CD36: variants seen among roughly 807,000 people sequenced by gnomAD.
The protein encoded by CD36 is platelet glycoprotein 4.
CD36 carries 119 observed loss-of-function variants against 55.2 expected under a neutral mutation model. The ratio of observed to expected loss-of-function variants is 2.15; its 90% CI spans 1.86 to 2.51. The LOEUF (loss-of-function observed/expected upper bound fraction) is 2.51, where lower values mean the gene tolerates loss of function less well. CD36 is among the 30% of genes most tolerant of loss of function. The probability of loss-of-function intolerance (pLI) is 0.00; values close to 1 mark genes in which losing one functional copy is unlikely to be tolerated. For synonymous variants in CD36, 186 were observed against 193.6 expected (o/e 0.96, Z 0.33); for missense variants, 819 against 555.5 (o/e 1.47, Z -4.77).
intron 1 of CD36, among the ~76,000 whole-genome samples, chr7:80,643,031 A>G (rs908753589): frequency 2.6e-5 from 4 of 152,136 alleles, no homozygotes; most frequent in Admixed American, 1.3e-4. Flanking sequence ...ATTGCTCAAC[A>G]TATCTAGGCT....
intron 1 of CD36, among the ~76,000 whole-genome samples, chr7:80,616,960 G>A (rs964871658): frequency 1.3e-5 from 2 of 152,154 alleles, no homozygotes; most frequent in African/African-American, 4.8e-5. Context: ...TCAGCATTTT[G>A]TTATATGCTT....
chr7:80,648,773 A>G (rs1300475250), intron 3 of CD36, among the ~76,000 whole-genome samples: 3 of 152,128 alleles, frequency 2.0e-5, no homozygotes, highest in African/African-American at 7.2e-5. Flanking sequence ...GGAAAAAGGT[A>G]GGACTTGATT....
chr7:80,645,776 A>G (rs758418828), intron 1 of CD36, among the ~76,000 whole-genome samples: 1 of 152,200 alleles, frequency 6.6e-6, no homozygotes, highest in Non-Finnish European at 1.5e-5. Flanking sequence ...TGTGTAGGGA[A>G]AAAATTCTTC....
At chr7:80,617,696 C>T (rs990454315) in intron 1 of CD36, among the ~76,000 whole-genome samples, 9 of 148,872 alleles carry the variant, frequency 6.0e-5, no homozygotes, top group African/African-American at 2.2e-4. Context: ...CACTGCACTC[C>T]AGTCTGAACG....
intron 3 of CD36, among the ~76,000 whole-genome samples, chr7:80,653,958 A>T (rs1795817418): frequency 6.6e-6 from 1 of 152,182 alleles, no homozygotes; most frequent in Non-Finnish European, 1.5e-5. Flanking sequence ...TTTGTCACAT[A>T]ACATTGAGTC....
Position 80,672,963 on chromosome 7 carries a change from AGC to A in CD36, c.1199+121_1199+122del, listed in dbSNP as rs1797861373. ...TAACATCTGATATCAACTTATCTTTAGCTTAATGTCACCAATCATTATTAAAT... is the reference window on the plus strand; with the variant it reads ...TAACATCTGATATCAACTTATCTTTATTAATGTCACCAATCATTATTAAAT... On this transcript the variant is annotated intron_variant, in intron 12 of 14. Transcript: ENST00000447544. 2.5e-5 allele frequency: 18 copies of A among 722,644 alleles called. No homozygotes were observed. In the South Asian group the frequency reaches 2.8e-4, roughly 11 times the overall value. 44.8% of individuals were successfully genotyped at this position (722,644 alleles called of 1,614,324 possible). A position where few individuals can be genotyped will look rare whatever the true frequency, so the allele number is the denominator to read the frequency against.
intron 1 of CD36, among the ~76,000 whole-genome samples, chr7:80,642,803 G>A (rs1422207102): frequency 6.6e-6 from 1 of 152,080 alleles, no homozygotes; most frequent in Non-Finnish European, 1.5e-5. Context: ...TCAGCACATG[G>A]ATTGAAGTTT....
At chr7:80,644,745 TAAC>T (rs1249945600) in intron 1 of CD36, among the ~76,000 whole-genome samples, 1 of 152,130 alleles carries the variant, frequency 6.6e-6, no homozygotes, top group Non-Finnish European at 1.5e-5. Flanking sequence ...CTTACAACAT[TAAC>T]AACAATATTC....
At chr7:80,673,010 G>A (rs1797867048) in intron 12 of CD36, 167 bp downstream of exon 12, 1 of 628,062 alleles carries the variant, frequency 1.6e-6, no homozygotes, top group Admixed American at 2.6e-5. Context: ...TAATTTCACA[G>A]ATTTTGGAAT....
intron 1 of CD36, among the ~76,000 whole-genome samples, chr7:80,610,568 A>T (rs1001669239): frequency 1.3e-5 from 2 of 149,766 alleles, no homozygotes; most frequent in Admixed American, 6.6e-5. Context: ...TTATTTATTT[A>T]TTTTTTATCT....
In CD36 at chr7:80,670,925, C is replaced by T. The variant is rs995089387; in HGVS notation, c.819-52C>T. On this transcript the variant is annotated intron_variant, in intron 9 of 14. Transcript: ENST00000447544. ...ACAAGAATAAGAAAAAATGAATCTC[C>T]AGAATGTAAGTTCAGGTTCCTGGAA... 23 of 1,222,496 alleles carry T rather than the reference C, an allele frequency of 1.9e-5. No homozygotes were observed. The Admixed American group carries it at 3.7e-4, about 19-fold the overall frequency. 75.7% of individuals were successfully genotyped at this position (1,222,496 alleles called of 1,614,324 possible).
At chr7:80,620,135 A>G (rs1308467897) in intron 1 of CD36, among the ~76,000 whole-genome samples, 1 of 151,834 alleles carries the variant, frequency 6.6e-6, no homozygotes, top group African/African-American at 2.4e-5. Flanking sequence ...TGCCACAACA[A>G]TCATCACAAA....
chr7:80,618,102 G>A (rs925757941), intron 1 of CD36, among the ~76,000 whole-genome samples: 1 of 152,052 alleles, frequency 6.6e-6, no homozygotes, highest in African/African-American at 2.4e-5. Context: ...ATAGATTATA[G>A]TGTGATATAT....
chr7:80,670,019 G>T lies in CD36; in HGVS notation c.815G>T (p.Cys272Phe). The change falls in exon 9 of 15, where the codon TGC becomes TTC. Residue 272 changes from cysteine to phenylalanine, a missense_variant. By Grantham distance (205) the Cys-to-Phe change is radical. Coordinates refer to ENST00000447544, the MANE Select transcript of CD36 (RefSeq NM_001001548.3). ...TTGCAGTTCTTTTCTTCTGATATTT[G>T]CAGGTAAGACAGATACTGAAGTATA... ...QVLQFFSSDICRSIYAVFESD... is the reference protein window; with the variant it reads ...QVLQFFSSDIFRSIYAVFESD... The T allele has an allele frequency of 1.9e-6, 3 of 1,597,514 alleles. No homozygotes were observed. The highest frequency in any genetic ancestry group is 1.1e-5 in the South Asian group (1 of 90,760).
chr7:80,669,232 T>C (rs1188649308), intron 8 of CD36, among the ~76,000 whole-genome samples: 2 of 152,158 alleles, frequency 1.3e-5, no homozygotes, highest in African/African-American at 4.8e-5. Context: ...TACCATTAAA[T>C]ATGTATAGTA....
chr7:80,637,440 T>G (rs958532333), upstream of CD36, among the ~76,000 whole-genome samples: 1 of 152,062 alleles, frequency 6.6e-6, no homozygotes, highest in Non-Finnish European at 1.5e-5. Flanking sequence ...TTTATCCTAA[T>G]TAAGTGGTCT....
chr7:80,635,271 T>TTGC (rs1794325408), upstream of CD36, among the ~76,000 whole-genome samples: 2 of 32,572 alleles, frequency 6.1e-5, no homozygotes, highest in African/African-American at 2.4e-4. Context: ...ATGCAATTAT[T>TTGC]TGTTGTTGTT....
chr7:80,618,745 G>T (rs1168710873), intron 1 of CD36, among the ~76,000 whole-genome samples: 1 of 152,182 alleles, frequency 6.6e-6, no homozygotes, highest in East Asian at 1.9e-4. Context: ...TGAGGAAGCT[G>T]CAGAAGAAGA....
At chr7:80,650,176 T>A (rs1795491535) in intron 3 of CD36, among the ~76,000 whole-genome samples, 1 of 152,054 alleles carries the variant, frequency 6.6e-6, no homozygotes, top group Non-Finnish European at 1.5e-5. Flanking sequence ...CAAATGACAG[T>A]GCACATTGTA....
Sources: allele counts gnomAD v4.1 joint callset (sites outside exome capture counted in the v4.1 genomes callset), GRCh38; gene constraint gnomAD v4.1.1; transcripts MANE v1.5; gene names NCBI Gene and HGNC (gene_info 2026-07-23, HGNC 2026-07-21).